PCDHA8: variants seen among roughly 807,000 people sequenced by gnomAD.
PCDHA8 encodes protocadherin alpha 8, also known as protocadherin alpha-8.
PCDHA8 carries 53 observed loss-of-function variants against 61.8 expected under a neutral mutation model. The ratio of observed to expected loss-of-function variants is 0.86; its 90% confidence interval spans 0.69 to 1.08. The LOEUF (loss-of-function observed/expected upper bound fraction) is 1.08, where lower values mean the gene tolerates loss of function less well. Among genes scored for constraint, PCDHA8 ranks in the 50% least tolerant of loss-of-function variants. The pLI, the probability that PCDHA8 is intolerant of heterozygous loss-of-function variation, is 0.00. For missense variants in PCDHA8, 1,293 were observed against 1,245.0 expected (o/e 1.04, Z -0.58); for synonymous variants, 618 against 556.6 (o/e 1.11, Z -1.55).
chr5:140,875,987 TA>T (rs1165213326), intron 1 of PCDHA8: 1 of 1,613,914 alleles, frequency 6.2e-7, no homozygotes, highest in East Asian at 2.2e-5. Context: ...ACCTATGCGT[TA>T]AGTCTAAATG....
intron 1 of PCDHA8, chr5:140,858,337 C>G (rs782748390): frequency 6.3e-7 from 1 of 1,595,568 alleles, no homozygotes; most frequent in Admixed American, 1.7e-5. Context: ...AGGGCCTGCC[C>G]AAGGCGGACC....
rs147995655 is a variant in PCDHA8, at chr5:140,849,740, C to G, written c.2394+6025C>G. 79 of 1,598,306 alleles carry G rather than the reference C, an allele frequency of 4.9e-5. 7 individuals are homozygous for G. In the African/African-American group the frequency reaches 8.5e-4, roughly 17 times the overall value. On this transcript the variant is annotated intron_variant, in intron 1 of 3. Transcript: ENST00000531613. ...TGGTGCTGGACAGAGCTCTGGACCG[C>G]GAGAGTGTGTCCGCCTACGAGCTGG...
chr5:141,000,418 T>TAA (rs2097924814), intron 3 of PCDHA8, among the ~76,000 whole-genome samples: 1 of 83,682 alleles, frequency 1.2e-5, no homozygotes, highest in Non-Finnish European at 2.2e-5. Context: ...TATATATATA[T>TAA]ATATTTTTTT....
intron 1 of PCDHA8, among the ~76,000 whole-genome samples, chr5:140,975,044 G>A (rs115613317): frequency 0.045 from 6,815 of 152,244 alleles, 210 homozygotes; most frequent in Non-Finnish European, 0.062. Flanking sequence ...AGGCTCTTAG[G>A]AAGAATCTAC....
At chr5:140,924,907 A>AT (rs1242980267) in intron 1 of PCDHA8, among the ~76,000 whole-genome samples, 3,369 of 50,932 alleles carry the variant, frequency 0.066, 44 homozygotes, top group African/African-American at 0.099. Context: ...AAAAAAAAAT[A>AT]AAATAAAATA....
chr5:140,861,346 C>T (rs2046871504), intron 1 of PCDHA8: 2 of 294,962 alleles, frequency 6.8e-6, no homozygotes, highest in South Asian at 3.7e-5. Context: ...AGGCCAAGGA[C>T]GGCACATAGC....
At chr5:140,951,876 G>A (rs1554220112) in intron 1 of PCDHA8, among the ~76,000 whole-genome samples, 1 of 152,094 alleles carries the variant, frequency 6.6e-6, no homozygotes, top group East Asian at 1.9e-4. Context: ...CTGAGACAAG[G>A]CAACTCTCTT....
chr5:140,853,247 C>G (rs985398812), intron 1 of PCDHA8: 3 of 975,930 alleles, frequency 3.1e-6, no homozygotes, highest in African/African-American at 3.5e-5. Context: ...ATATTAATCT[C>G]TATTCTCTCT....
At chr5:140,957,900 G>A (rs2095395670) in intron 1 of PCDHA8, among the ~76,000 whole-genome samples, 1 of 151,932 alleles carries the variant, frequency 6.6e-6, no homozygotes, top group South Asian at 2.1e-4. Flanking sequence ...CATCAACCAA[G>A]GCATATTGTT....
chr5:140,883,575 G>C (rs782472492), intron 1 of PCDHA8: 87 of 1,613,954 alleles, frequency 5.4e-5, no homozygotes, highest in Non-Finnish European at 7.4e-5. Context: ...CCTTCGCTGT[G>C]GGCCACGGCC....
chr5:140,843,822 A>T, intron 1 of PCDHA8, 107 bp downstream of exon 1: 1 of 1,214,324 alleles, frequency 8.2e-7, no homozygotes, highest in Non-Finnish European at 1.2e-6. Context: ...GTGAAAATTT[A>T]AACATTGTTT....
chr5:140,843,876 C>A, intron 1 of PCDHA8, 161 bp downstream of exon 1: 1 of 763,300 alleles, frequency 1.3e-6, no homozygotes, highest in African/African-American at 1.8e-5. Flanking sequence ...TTCTCAGTGG[C>A]ATAATACAGT....
intron 1 of PCDHA8, among the ~76,000 whole-genome samples, chr5:140,918,821 GC>G (rs35355209): frequency 0.76 from 114,950 of 152,064 alleles, 44,573 homozygotes; most frequent in African/African-American, 0.94. Flanking sequence ...CCAAAAAGTG[GC>G]CCCCTCCCCA....
At chr5:140,848,684 G>C (rs2040546580) in intron 1 of PCDHA8, 1 of 1,592,318 alleles carries the variant, frequency 6.3e-7, no homozygotes, top group African/African-American at 1.3e-5. Flanking sequence ...TGCCGCGCCT[G>C]TTCCAGTTGG....
Position 140,843,291 on chromosome 5 carries a change from C to T in PCDHA8, c.1970C>T (p.Pro657Leu), listed in dbSNP as rs2150356588. The T allele has an allele frequency of 1.3e-6, 2 of 1,595,988 alleles. 1 individual carries two copies. The highest frequency in any genetic ancestry group is 1.7e-6 in the Non-Finnish European group (2 of 1,165,560). The change falls in exon 1 of 4, where the codon CCT becomes CTT. Residue 657 changes from proline to leucine, a missense_variant. Coordinates refer to ENST00000531613, the MANE Select transcript of PCDHA8 (RefSeq NM_018911.3). Reference sequence around the variant, plus strand: ...GTCCTGGTGAAGGATCATGGTGAACCTGCGCTGACCGCCACGGCCACGGTT... The same window carrying T: ...GTCCTGGTGAAGGATCATGGTGAACTTGCGCTGACCGCCACGGCCACGGTT... ...LLVLVKDHGE[P>L]ALTATATVLV...
chr5:140,944,799 G>A (rs1160069845), intron 1 of PCDHA8, among the ~76,000 whole-genome samples: 2 of 152,090 alleles, frequency 1.3e-5, no homozygotes, highest in Non-Finnish European at 2.9e-5. Flanking sequence ...CAAGTCTGTC[G>A]AGGGTCCACA....
chr5:140,891,123 T>G (rs2153433075), intron 1 of PCDHA8, among the ~76,000 whole-genome samples: 1 of 152,342 alleles, frequency 6.6e-6, no homozygotes, highest in East Asian at 1.9e-4. Context: ...AATCTAAATG[T>G]CATTCCTTTA....
intron 1 of PCDHA8, chr5:140,847,826 A>T (rs914616937): frequency 6.7e-6 from 1 of 149,784 alleles, no homozygotes; most frequent in Non-Finnish European, 1.5e-5. Flanking sequence ...TACTCAAGAA[A>T]ACTACCTCAG....
intron 1 of PCDHA8, chr5:140,875,560 C>G: frequency 6.2e-7 from 1 of 1,614,124 alleles, no homozygotes; most frequent in Non-Finnish European, 8.5e-7. Context: ...GGGGAGCGGC[C>G]AGCTCCACTA....
Sources: allele counts gnomAD v4.1 joint callset (sites outside exome capture counted in the v4.1 genomes callset), GRCh38; gene constraint gnomAD v4.1.1; transcripts MANE v1.5; gene names NCBI Gene and HGNC (gene_info 2026-07-23, HGNC 2026-07-21).